Variants in ABLIM3 observed in about 807,000 individuals in gnomAD.
The protein encoded by ABLIM3 is actin binding LIM protein family member 3.
ABLIM3 carries 61 observed loss-of-function variants against 109.5 expected under a neutral mutation model. The observed-to-expected ratio is 0.56, with a 90% CI of 0.45 to 0.69. The LOEUF is 0.69. Among genes scored for constraint, ABLIM3 ranks in the 30% least tolerant of loss-of-function variants. The pLI is 0.00. For missense variants in ABLIM3, 796 were observed against 889.5 expected (o/e 0.89, Z 1.34); for synonymous variants, 300 against 324.8 (o/e 0.92, Z 0.82).
intron 3 of ABLIM3, among the ~76,000 whole-genome samples, chr5:149,194,709 G>T (rs1757790194): frequency 6.6e-6 from 1 of 152,136 alleles, no homozygotes; most frequent in South Asian, 2.1e-4. Flanking sequence ...TCAACATAAA[G>T]TTCAAAAAGT....
In ABLIM3 at chr5:149,217,024, A is replaced by G; in HGVS notation, c.735A>G (p.Glu245=). The G allele has an allele frequency of 6.2e-7, 1 of 1,614,208 alleles. No individual in the cohort carries two copies. Among genetic ancestry groups the G allele is most frequent in the Non-Finnish European group, 8.5e-7 (1 of 1,180,028 alleles). Residue 245 remains glutamate, a synonymous_variant, in exon 8 of 24, where the codon GAA becomes GAG. Transcript: ENST00000309868. ...TACGCTGCCACCAGATGTTCACCGAAGGAGAGGAAATGTACCTCACAGGTA... is the reference window on the plus strand; with the variant it reads ...TACGCTGCCACCAGATGTTCACCGAGGGAGAGGAAATGTACCTCACAGGTA... The part of the protein sequence containing the change: ...RCVRCHQMFT[E]GEEMYLTGSE...
chr5:149,240,850 G>A (rs1324215808), intron 14 of ABLIM3, 76 bp downstream of exon 14: 36 of 1,366,910 alleles, frequency 2.6e-5, no homozygotes, highest in Non-Finnish European at 3.2e-5. Context: ...TCACCCCCTC[G>A]ATGCCACACA....
At chr5:149,223,975 G>A (rs1760919810) in intron 8 of ABLIM3, among the ~76,000 whole-genome samples, 1 of 152,196 alleles carries the variant, frequency 6.6e-6, no homozygotes, top group Non-Finnish European at 1.5e-5. Context: ...TAATCAGCCA[G>A]TTATATAGAA....
At chr5:149,203,228 T>G (rs1232858331) in intron 5 of ABLIM3, among the ~76,000 whole-genome samples, 1 of 151,300 alleles carries the variant, frequency 6.6e-6, no homozygotes, top group African/African-American at 2.4e-5. Flanking sequence ...AACAATACCA[T>G]CAGTGCCACC....
At chr5:149,225,274 A>G (rs1199487835) in intron 8 of ABLIM3, among the ~76,000 whole-genome samples, 1 of 152,104 alleles carries the variant, frequency 6.6e-6, no homozygotes, top group African/African-American at 2.4e-5. Context: ...CATCACTTCA[A>G]AAGGAAACCT....
chr5:149,183,768 G>A (rs936715520), intron 3 of ABLIM3, among the ~76,000 whole-genome samples, 179 bp downstream of exon 3: 2 of 152,258 alleles, frequency 1.3e-5, no homozygotes, highest in Admixed American at 1.3e-4. Flanking sequence ...GCAGTGTATT[G>A]GTACGTGAGG....
At chr5:149,146,919 A>G (rs781250463) in intron 2 of ABLIM3, among the ~76,000 whole-genome samples, 16 of 152,140 alleles carry the variant, frequency 1.1e-4, no homozygotes, top group Non-Finnish European at 1.6e-4. Context: ...TGGCTGTTTT[A>G]ATGATATTGA....
At chr5:149,221,679 A>C (rs887421787) in intron 8 of ABLIM3, among the ~76,000 whole-genome samples, 2 of 152,244 alleles carry the variant, frequency 1.3e-5, no homozygotes, top group African/African-American at 4.8e-5. Context: ...TTCACCAGGA[A>C]ATTAGGTCAC....
intron 2 of ABLIM3, among the ~76,000 whole-genome samples, chr5:149,151,571 G>A (rs1399825810): frequency 1.3e-5 from 2 of 152,212 alleles, no homozygotes; most frequent in East Asian, 3.9e-4. Flanking sequence ...TAGTCTTGAT[G>A]TTTAAACCCT....
Position 149,198,140 on chromosome 5 carries a change from C to G in ABLIM3, c.152-79C>G, listed in dbSNP as rs1293738327. On this transcript the variant is annotated intron_variant, in intron 3 of 23. Coordinates refer to ENST00000309868, the MANE Select transcript of ABLIM3 (RefSeq NM_014945.5). This position sits in a 1 kb window ranked among gnomAD's most constrained non-coding sequence, Gnocchi z 4.2. Reference sequence around the variant, plus strand: ...ACTCATGACACAGTGAGACACCAGCCTTTCCCCCAGCGAGGACCTTCTGCT... The same window carrying G: ...ACTCATGACACAGTGAGACACCAGCGTTTCCCCCAGCGAGGACCTTCTGCT... 4.2e-6 allele frequency: 6 copies of G among 1,420,446 alleles called. No individual in the cohort carries two copies. The Admixed American group carries it at 1.3e-4, about 30-fold the overall frequency. 88.0% of individuals were successfully genotyped at this position (1,420,446 alleles called of 1,614,324 possible).
chr5:149,239,813 A>G lies in ABLIM3; in HGVS notation c.1129A>G (p.Ile377Val), dbSNP rs768181495. The G allele has an allele frequency of 1.2e-6, 2 of 1,610,612 alleles. No homozygotes were observed. The highest frequency in any genetic ancestry group is 1.7e-5 in the Admixed American group (1 of 59,634). ...GAGACGGGCCTCCAGCCCGGGGTAC[A>G]TAGACTCCCCCACCTACAGCCGGCA... ...RQRRASSPGY[I>V]DSPTYSRQGM... The change falls in exon 13 of 24, where the codon ATA becomes GTA. Residue 377 changes from isoleucine to valine, a missense_variant. Physicochemically the swap from Ile to Val is conservative, Grantham distance 29. Coordinates refer to ENST00000309868, the MANE Select transcript of ABLIM3 (RefSeq NM_014945.5).
chr5:149,252,849 A>C lies in ABLIM3; in HGVS notation c.1938+12A>C. The stretch of plus-strand genomic sequence containing the variant: ...GGACCCGTTTAGAGGTAAGTCTAAA[A>C]AACTGAGCAGGAGCTCTTGGGTTGG... On this transcript the variant is annotated intron_variant, in intron 23 of 23. Coordinates refer to ENST00000309868, the MANE Select transcript of ABLIM3 (RefSeq NM_014945.5). 3 of 1,609,296 alleles carry C rather than the reference A, an allele frequency of 1.9e-6. No homozygotes were observed. The highest frequency in any genetic ancestry group is 2.6e-6 in the Non-Finnish European group (3 of 1,175,910).
intron 8 of ABLIM3, among the ~76,000 whole-genome samples, chr5:149,224,667 A>AGATTATTTTT (rs1760996756): frequency 6.6e-6 from 1 of 152,216 alleles, no homozygotes; most frequent in Non-Finnish European, 1.5e-5. Flanking sequence ...CCTGGCACAC[A>AGATTATTTTT]GATTATTTTT....
chr5:149,251,400 A>C lies in ABLIM3; in HGVS notation c.1830A>C (p.Ala610=). The change falls in exon 21 of 24, where the codon GCA becomes GCC. Residue 610 remains alanine (A), a synonymous_variant. Transcript: ENST00000309868. The part of the protein sequence containing the change: ...ADLFHYDSMN[A]VNWGMREYKI... ...TCTTCCACTACGACAGCATGAACGC[A>C]GTCAACTGGGGCATGCGAGGTGAGT... 6.2e-7 allele frequency: 1 copy of C among 1,614,154 alleles called. No individual in the cohort carries two copies. Among genetic ancestry groups the C allele is most frequent in the Admixed American group, 1.7e-5 (1 of 60,028 alleles).
chr5:149,204,410 G>A (rs1561584001), intron 5 of ABLIM3, among the ~76,000 whole-genome samples: 1 of 152,134 alleles, frequency 6.6e-6, no homozygotes, highest in Non-Finnish European at 1.5e-5. Context: ...GTGGTCAAGA[G>A]TGAAAGGAGG....
At chr5:149,209,013 A>G (rs1330242396) in intron 6 of ABLIM3, among the ~76,000 whole-genome samples, 4 of 152,140 alleles carry the variant, frequency 2.6e-5, no homozygotes, top group African/African-American at 2.4e-5. Flanking sequence ...TCCATCCTGT[A>G]TAGGAGCTCA....
intron 16 of ABLIM3, 64 bp from the exon 17 acceptor site, chr5:149,246,418 A>AG: frequency 6.7e-7 from 1 of 1,498,450 alleles, no homozygotes; most frequent in South Asian, 1.2e-5. Flanking sequence ...TTAAAAAAAA[A>AG]ATGCCTTAAG....
At chr5:149,175,934 G>A (rs959420303) in intron 2 of ABLIM3, among the ~76,000 whole-genome samples, 1 of 152,184 alleles carries the variant, frequency 6.6e-6, no homozygotes, top group African/African-American at 2.4e-5. Flanking sequence ...CCATGACCAT[G>A]GAACATGCTG....
At chr5:149,199,769 A>G (rs1207663960) in intron 4 of ABLIM3, among the ~76,000 whole-genome samples, 1 of 152,234 alleles carries the variant, frequency 6.6e-6, no homozygotes, top group East Asian at 1.9e-4. Context: ...GATTCTGTGT[A>G]TGGTTCATAA....
Sources: gnomAD v4.1 joint callset for allele counts (sites outside exome capture counted in the v4.1 genomes callset) on GRCh38, gnomAD v4.1.1 for gene constraint, Gnocchi (gnomAD v3.1) non-coding constraint, MANE v1.5 for transcripts, NCBI Gene and HGNC (gene_info 2026-07-23, HGNC 2026-07-21) for gene names.